Variants in SLC2A9 observed in about 807,000 individuals in gnomAD.
SLC2A9 encodes solute carrier family 2 member 9.
SLC2A9 carries 39 observed loss-of-function variants against 50.6 expected under a neutral mutation model. The ratio of observed to expected loss-of-function variants is 0.77; its 90% CI spans 0.60 to 1.01. The LOEUF is 1.01. SLC2A9 is among the 50% of genes least tolerant of loss of function. The probability of loss-of-function intolerance (pLI) is 0.00; values close to 1 mark genes in which losing one functional copy is unlikely to be tolerated. For missense variants in SLC2A9, 686 were observed against 677.6 expected, an observed-to-expected ratio of 1.01 and a Z score of -0.14; for synonymous variants, 324 against 276.9, an observed-to-expected ratio of 1.17 and a Z score of -1.69.
intron 2 of SLC2A9, among the ~76,000 whole-genome samples, chr4:10,017,477 C>G (rs1006526696): frequency 6.6e-6 from 1 of 152,164 alleles, no homozygotes; most frequent in Non-Finnish European, 1.5e-5. Flanking sequence ...CATCTAGGCC[C>G]CCTGGTTTTC....
chr4:9,817,280 C>T (rs553058582), intron 3 of SLC2A9, among the ~76,000 whole-genome samples: 2 of 152,326 alleles, frequency 1.3e-5, no homozygotes, highest in Admixed American at 6.5e-5. Flanking sequence ...CTTAGGATTA[C>T]GCCCTGGACA....
chr4:9,802,075 C>G (rs367583005), intron 3 of SLC2A9, among the ~76,000 whole-genome samples: 15 of 152,126 alleles, frequency 9.9e-5, no homozygotes, highest in African/African-American at 3.6e-4. Context: ...CCTAGTGTGG[C>G]CTTGTTCCTG....
At chr4:9,856,375 C>T (rs1730713810) in intron 10 of SLC2A9, among the ~76,000 whole-genome samples, 3 of 152,088 alleles carry the variant, frequency 2.0e-5, no homozygotes, top group South Asian at 2.1e-4. Context: ...TGCTCAATAT[C>T]GGTAATCATT....
chr4:9,888,636 T>C (rs1736744060), intron 9 of SLC2A9, among the ~76,000 whole-genome samples: 1 of 151,598 alleles, frequency 6.6e-6, no homozygotes, highest in African/African-American at 2.4e-5. Context: ...TTCATCTCTG[T>C]AGGCTGAGCC....
At chr4:10,023,324 A>G (rs943535631), upstream of SLC2A9, among the ~76,000 whole-genome samples, 6 of 152,218 alleles carry the variant, frequency 3.9e-5, no homozygotes, top group African/African-American at 1.4e-4. Flanking sequence ...ATCCCTGTGC[A>G]TGGAGGGCCC....
chr4:9,879,972 T>C (rs911955985), intron 10 of SLC2A9: 2 of 985,460 alleles, frequency 2.0e-6, no homozygotes, highest in South Asian at 4.7e-5. Context: ...CATCGACCTG[T>C]TCCTCACAGA....
intron 5 of SLC2A9, among the ~76,000 whole-genome samples, chr4:9,959,282 C>G (rs947089201): frequency 6.6e-6 from 1 of 150,798 alleles, no homozygotes; most frequent in African/African-American, 2.4e-5. Context: ...ATCCCAGCTA[C>G]TCTGATGGCT....
chr4:9,916,588 C>G (rs1742886974), intron 7 of SLC2A9, among the ~76,000 whole-genome samples: 1 of 152,188 alleles, frequency 6.6e-6, no homozygotes, highest in Admixed American at 6.5e-5. Context: ...CATAATTCCA[C>G]AGATTCCTCA....
chr4:9,890,951 C>T lies in SLC2A9; in HGVS notation c.1114-240G>A, dbSNP rs537975194. The stretch of plus-strand genomic sequence containing the variant: ...TACAGCATTAATAACGAGCACTCTC[C>T]TCCGAATCTTCCTTGCTATGGTGGA... On this transcript the variant is annotated intron_variant, in intron 8 of 11. Coordinates refer to ENST00000264784, the MANE Select transcript of SLC2A9 (RefSeq NM_020041.3). Among the ~76,000 whole-genome samples, 71 of 152,330 alleles carry T rather than the reference C, an allele frequency of 4.7e-4. 1 individual carries two copies. Among genetic ancestry groups the T allele is most frequent in the African/African-American group, 1.7e-3 (70 of 41,572 alleles).
chr4:9,867,400 T>C (rs1732665948), intron 10 of SLC2A9, among the ~76,000 whole-genome samples: 1 of 152,230 alleles, frequency 6.6e-6, no homozygotes, highest in African/African-American at 2.4e-5. Flanking sequence ...CTTTCTCAAC[T>C]AACTCTTGAG....
chr4:9,822,605 T>C (rs1273488828), downstream of SLC2A9, among the ~76,000 whole-genome samples: 2 of 152,216 alleles, frequency 1.3e-5, no homozygotes, highest in Non-Finnish European at 2.9e-5. Context: ...GCACATAGCA[T>C]ATAGATGGGC....
chr4:9,833,435 C>A (rs563856474), intron 11 of SLC2A9, among the ~76,000 whole-genome samples: 23 of 152,290 alleles, frequency 1.5e-4, no homozygotes, highest in African/African-American at 5.5e-4. Context: ...TTGATGCTGA[C>A]TGTGGGACCT....
chr4:9,895,994 C>T (rs1482611146), intron 8 of SLC2A9, among the ~76,000 whole-genome samples: 1 of 152,172 alleles, frequency 6.6e-6, no homozygotes, highest in African/African-American at 2.4e-5. Flanking sequence ...CATGGATATA[C>T]CAAAATTTGT....
At chr4:9,832,631 C>T (rs1256026192) in intron 11 of SLC2A9, among the ~76,000 whole-genome samples, 2 of 152,166 alleles carry the variant, frequency 1.3e-5, no homozygotes, top group Admixed American at 1.3e-4. Flanking sequence ...AGAAAAGGCT[C>T]ATAAATGACA....
chr4:9,860,808 C>T (rs969605511), intron 10 of SLC2A9, among the ~76,000 whole-genome samples: 1 of 152,238 alleles, frequency 6.6e-6, no homozygotes. Context: ...CTCCCTGAAG[C>T]CTGAGGCTGG....
At chr4:9,802,070 T>C (rs1309162132) in intron 3 of SLC2A9, among the ~76,000 whole-genome samples, 2 of 152,176 alleles carry the variant, frequency 1.3e-5, no homozygotes, top group African/African-American at 2.4e-5. Flanking sequence ...CTTTGCCTAG[T>C]GTGGCCTTGT....
chr4:9,944,951 C>A (rs570625251), intron 5 of SLC2A9, among the ~76,000 whole-genome samples: 1 of 152,218 alleles, frequency 6.6e-6, no homozygotes, highest in Non-Finnish European at 1.5e-5. Context: ...GGATGACCTG[C>A]GCACACGTCA....
chr4:9,958,490 T>C (rs1309490027), intron 5 of SLC2A9, among the ~76,000 whole-genome samples: 1 of 152,106 alleles, frequency 6.6e-6, no homozygotes, highest in African/African-American at 2.4e-5. Context: ...ATGGGGCCTG[T>C]TGGAGGTGAG....
intron 5 of SLC2A9, among the ~76,000 whole-genome samples, chr4:9,950,333 A>C (rs539694576): frequency 6.6e-6 from 1 of 152,314 alleles, no homozygotes; most frequent in Admixed American, 6.5e-5. Context: ...CTCACCACAC[A>C]AAAAGTGGTT....
Sources: allele counts gnomAD v4.1 joint callset (sites outside exome capture counted in the v4.1 genomes callset), GRCh38; gene constraint gnomAD v4.1.1; transcripts MANE v1.5; gene names NCBI Gene and HGNC (gene_info 2026-07-23, HGNC 2026-07-21).